Variants in NPL observed in about 807,000 individuals in gnomAD.
NPL encodes N-acetylneuraminate lyase.
NPL carries 32 observed loss-of-function variants against 41.1 expected under a neutral mutation model. The observed-to-expected ratio is 0.78, with a 90% CI of 0.59 to 1.05. The LOEUF (loss-of-function observed/expected upper bound fraction) is 1.05, where lower values mean the gene tolerates loss of function less well. Ranked by LOEUF, NPL falls within the 50% of genes least tolerant of loss-of-function variation. The pLI is 0.00. For missense variants in NPL, 321 were observed against 378.4 expected (o/e 0.85, Z 1.26); for synonymous variants, 128 against 134.9 (o/e 0.95, Z 0.35).
At chr1:182,794,314 A>G in intron 2 of NPL, 42 bp from the exon 3 acceptor site, 3 of 1,535,620 alleles carry the variant, frequency 2.0e-6, no homozygotes. Context: ...TATCATTGAC[A>G]TTCCTTGAAG....
Position 182,798,711 on chromosome 1 carries a change from AC to A in NPL, c.68+4276del, listed in dbSNP as rs1006441309. On this transcript the variant is annotated intron_variant, in intron 3 of 12. Coordinates refer to ENST00000367553, the MANE Select transcript of NPL (RefSeq NM_030769.3). ...ACCCTCTGGTAAAAACAAAGCTGTT[AC>A]CCCAGTGAGGAAAGGCCTGGCCTGC... Among the ~76,000 whole-genome samples the A allele has an allele frequency of 2.5e-4, 38 of 152,156 alleles. 1 individual carries two copies.
At chr1:182,800,138 A>G (rs568818019) in intron 3 of NPL, among the ~76,000 whole-genome samples, 2 of 152,060 alleles carry the variant, frequency 1.3e-5, no homozygotes, top group African/African-American at 2.4e-5. Context: ...AGGGTGGGAA[A>G]ACAAGTGAAG....
chr1:182,791,791 T>C (rs986750876), intron 1 of NPL, among the ~76,000 whole-genome samples: 2 of 152,284 alleles, frequency 1.3e-5, no homozygotes, highest in African/African-American at 4.8e-5. Context: ...CTGAACAGCC[T>C]AGTAGTGTTG....
intron 6 of NPL, among the ~76,000 whole-genome samples, chr1:182,813,526 T>C (rs1280307708): frequency 3.3e-5 from 5 of 152,218 alleles, no homozygotes; most frequent in African/African-American, 1.2e-4. Flanking sequence ...GTAGGGTATA[T>C]TTTTCTTTTT....
At chr1:182,798,825 C>G (rs1666751041) in intron 3 of NPL, among the ~76,000 whole-genome samples, 1 of 152,184 alleles carries the variant, frequency 6.6e-6, no homozygotes, top group Admixed American at 6.5e-5. Flanking sequence ...CATTTTCCAC[C>G]TCCAACAGGG....
Position 182,803,750 on chromosome 1 carries a change from C to G in NPL, c.121C>G (p.Gln41Glu), listed in dbSNP as rs1666921593. The part of the protein sequence containing the change: ...GQYVDYLVKE[Q>E]GVKNIFVNGT... ...GTATGTGGATTATCTTGTGAAAGAACAGGGAGTGAAGAACATTTTTGGTAA... is the reference window on the plus strand; with the variant it reads ...GTATGTGGATTATCTTGTGAAAGAAGAGGGAGTGAAGAACATTTTTGGTAA... Residue 41 changes from glutamine to glutamate, a missense_variant, in exon 4 of 13, where the codon CAG (glutamine) becomes GAG (glutamate). Transcript: ENST00000367553. 2 of 1,612,532 alleles carry G rather than the reference C, an allele frequency of 1.2e-6. No homozygotes were observed. Among genetic ancestry groups the G allele is most frequent in the African/African-American group, 1.3e-5 (1 of 74,886 alleles).
chr1:182,828,894 G>A lies in NPL; in HGVS notation c.949G>A (p.Glu317Lys). ...CACTGATTTAAAGGATGGAAACTTG[G>A]AAGCTGGTAGCTAGTGCCTCTCTAT... is the stretch of plus-strand genomic sequence containing the variant. The part of the protein sequence containing the change: ...SFTDLKDGNL[E>K]AGS The change falls in exon 13 of 13, where the codon GAA becomes AAA. Residue 317 changes from glutamate to lysine, a missense_variant. Physicochemically the swap from Glu to Lys is moderately conservative, Grantham distance 56. Coordinates refer to ENST00000367553, the MANE Select transcript of NPL (RefSeq NM_030769.3). The surrounding 1 kb of genome is among the most constrained non-coding windows in gnomAD (Gnocchi z 4.0). 4 of 1,614,170 alleles carry A rather than the reference G, an allele frequency of 2.5e-6. No homozygotes were observed. Among genetic ancestry groups the A allele is most frequent in the Non-Finnish European group, 3.4e-6 (4 of 1,180,016 alleles).
Position 182,829,075 on chromosome 1 carries a change from T to G in NPL, c.*167T>G. 6.9e-7 allele frequency: 1 copy of G among 1,443,622 alleles called. No individual in the cohort carries two copies. Among genetic ancestry groups the G allele is most frequent in the East Asian group, 2.5e-5 (1 of 39,850 alleles). The allele number at this position is 1,443,622 out of a possible 1,614,324, so 89.4% of individuals were successfully genotyped here. On this transcript the variant is annotated 3_prime_UTR_variant, in exon 13 of 13. Transcript: ENST00000367553. ...GTGAGCCTTAAAAAGTCTTATTTTG[T>G]GAAGGGGCAAAAACTCTAGGAGTCA...
intron 11 of NPL, among the ~76,000 whole-genome samples, chr1:182,822,611 A>G (rs1232471511): frequency 6.6e-6 from 1 of 152,202 alleles, no homozygotes; most frequent in Non-Finnish European, 1.5e-5. Flanking sequence ...GGCTTCATTC[A>G]AAGTCAGGGC....
Position 182,829,027 on chromosome 1 carries a change from C to A in NPL, c.*119C>A. On this transcript the variant is annotated 3_prime_UTR_variant, in exon 13 of 13. Coordinates refer to ENST00000367553, the MANE Select transcript of NPL (RefSeq NM_030769.3). ...AACTCTCCTAGCAAATGAAATCTCA[C>A]AATAAGCATTGAGGTACCTTTTGTG... The A allele has an allele frequency of 6.4e-7, 1 of 1,565,712 alleles. No individual in the cohort carries two copies. The highest frequency in any genetic ancestry group is 8.6e-7 in the Non-Finnish European group (1 of 1,163,572).
chr1:182,797,704 C>T (rs1261063224), intron 3 of NPL, among the ~76,000 whole-genome samples: 1 of 152,200 alleles, frequency 6.6e-6, no homozygotes, highest in South Asian at 2.1e-4. Flanking sequence ...TCTATAGCAC[C>T]CTGTCCATAC....
chr1:182,790,571 A>C (rs1666473927), intron 1 of NPL, among the ~76,000 whole-genome samples: 1 of 152,214 alleles, frequency 6.6e-6, no homozygotes, highest in Non-Finnish European at 1.5e-5. Context: ...GTTTATTAAA[A>C]ACTTGAATCT....
chr1:182,803,447 A>G (rs78200035), intron 3 of NPL, among the ~76,000 whole-genome samples: 9,086 of 152,288 alleles, frequency 0.06, 371 homozygotes, highest in African/African-American at 0.12. Flanking sequence ...TGAGGTGTAA[A>G]TATAAAGCCT....
At chr1:182,827,308 T>C (rs1378860039) in intron 12 of NPL, among the ~76,000 whole-genome samples, 1 of 152,236 alleles carries the variant, frequency 6.6e-6, no homozygotes, top group Non-Finnish European at 1.5e-5. Context: ...TAATTATTAG[T>C]TATGCTTTTT....
At chr1:182,805,151 C>T (rs113229071) in intron 4 of NPL, among the ~76,000 whole-genome samples, 8,855 of 152,138 alleles carry the variant, frequency 0.058, 661 homozygotes, top group African/African-American at 0.17. Flanking sequence ...TGTAGTAGGC[C>T]GGGTGTGGTG....
rs1667675310 is a variant in NPL at position 182,828,015 on chromosome 1, C to T, written c.779-709C>T. 6.6e-6 allele frequency among the ~76,000 whole-genome samples: 1 copy of T among 152,186 alleles called. No homozygotes were observed. The highest frequency in any genetic ancestry group is 1.5e-5 in the Non-Finnish European group (1 of 68,034). ...GACATACATTGAGATCCACCATTCA[C>T]CTTTGGCTCAGGCTTGAGATTTCTT... On this transcript the variant is annotated intron_variant, in intron 12 of 12. Transcript: ENST00000367553. The surrounding 1 kb of genome is among the most constrained non-coding windows in gnomAD (Gnocchi z 4.0).
intron 10 of NPL, among the ~76,000 whole-genome samples, chr1:182,819,314 C>T (rs1239920241): frequency 5.9e-5 from 9 of 152,132 alleles, no homozygotes; most frequent in South Asian, 4.2e-4. Context: ...GGCATGGTGG[C>T]GGGCGCCTGT....
Position 182,828,651 on chromosome 1 carries a change from TCTC to T in NPL, c.779-70_779-68del. The T allele has an allele frequency of 6.2e-7, 1 of 1,601,528 alleles. No homozygotes were observed. Among genetic ancestry groups the T allele is most frequent in the Non-Finnish European group, 8.5e-7 (1 of 1,171,418 alleles). ...TGTAGTAGTTGCTGTTAGCATATGATCTCCTTCTTTGGGATTTTTGTGGAGAGA... is the reference window on the plus strand; with the variant it reads ...TGTAGTAGTTGCTGTTAGCATATGATCTTCTTTGGGATTTTTGTGGAGAGA... On this transcript the variant is annotated intron_variant, in intron 12 of 12. Coordinates refer to ENST00000367553, the MANE Select transcript of NPL (RefSeq NM_030769.3). This position sits in a 1 kb window ranked among gnomAD's most constrained non-coding sequence, Gnocchi z 4.0.
intron 2 of NPL, among the ~76,000 whole-genome samples, chr1:182,794,062 T>C (rs1666589305): frequency 6.6e-6 from 1 of 152,214 alleles, no homozygotes; most frequent in Admixed American, 6.5e-5. Flanking sequence ...AAGCTCTTTC[T>C]TGGGTCTGCT....
Sources: allele counts gnomAD v4.1 joint callset (sites outside exome capture counted in the v4.1 genomes callset), GRCh38; gene constraint gnomAD v4.1.1; non-coding constraint Gnocchi (gnomAD v3.1); transcripts MANE v1.5; gene names NCBI Gene and HGNC (gene_info 2026-07-23, HGNC 2026-07-21).